The following CA10 variants were observed in gnomAD, a reference collection of about 807,000 sequenced individuals.
The protein encoded by CA10 is carbonic anhydrase-related protein 10.
Under a neutral mutation model 44.2 loss-of-function variants are expected in CA10, and 14 were observed. That is an observed-to-expected ratio of 0.32 (90% CI 0.21 to 0.50). CA10 has a LOEUF of 0.50. Ranked by LOEUF, CA10 falls within the 20% of genes least tolerant of loss-of-function variation. CA10 has a pLI of 0.99. For missense variants in CA10, 350 were observed against 409.7 expected, an observed-to-expected ratio of 0.85 and a Z score of 1.26; for synonymous variants, 159 against 141.6, an observed-to-expected ratio of 1.12 and a Z score of -0.87.
At chr17:51,821,968 C>A (rs1441553068) in intron 3 of CA10, among the ~76,000 whole-genome samples, 1 of 152,200 alleles carries the variant, frequency 6.6e-6, no homozygotes, top group Non-Finnish European at 1.5e-5. Context: ...AGCCCACACA[C>A]ATCAGCCTCC....
At chr17:51,645,355 T>A (rs1417609751) in intron 6 of CA10, among the ~76,000 whole-genome samples, 1 of 152,236 alleles carries the variant, frequency 6.6e-6, no homozygotes, top group Non-Finnish European at 1.5e-5. Flanking sequence ...TTCAGAAGAC[T>A]GACCCCCTCT....
intron 3 of CA10, among the ~76,000 whole-genome samples, chr17:51,847,703 G>T (rs548914035): frequency 3.3e-5 from 5 of 152,222 alleles, no homozygotes; most frequent in Non-Finnish European, 1.5e-5. Flanking sequence ...AGCATGCTGG[G>T]GTAAATGCAT....
intron 2 of CA10, among the ~76,000 whole-genome samples, chr17:52,053,879 C>A (rs1412356909): frequency 6.6e-6 from 1 of 152,096 alleles, no homozygotes; most frequent in Non-Finnish European, 1.5e-5. Context: ...TATCACTTCC[C>A]CAATCAATAC....
chr17:52,073,833 T>C (rs1373479419), intron 1 of CA10, among the ~76,000 whole-genome samples: 1 of 151,986 alleles, frequency 6.6e-6, no homozygotes, highest in Non-Finnish European at 1.5e-5. Flanking sequence ...AAAGGTTCTG[T>C]CCAACCAGGG....
intron 2 of CA10, among the ~76,000 whole-genome samples, chr17:51,963,239 AC>A (rs1345740456): frequency 6.6e-6 from 1 of 152,168 alleles, no homozygotes; most frequent in Non-Finnish European, 1.5e-5. Flanking sequence ...AGAAAAATGA[AC>A]AAAGTCTTTG....
In CA10 at chr17:51,892,700, C is replaced by T. The variant is rs531672729; in HGVS notation, c.279+38290G>A. ...TGTGTTACTATTCTGGCCAATCAGACATAGGTGGGATCAGCTATAGTCTCA... is the reference window on the plus strand; with the variant it reads ...TGTGTTACTATTCTGGCCAATCAGATATAGGTGGGATCAGCTATAGTCTCA... On this transcript the variant is annotated intron_variant, in intron 3 of 8. Transcript: ENST00000451037. Among the ~76,000 whole-genome samples, 10 of 152,260 alleles carry T rather than the reference C, an allele frequency of 6.6e-5. No individual in the cohort carries two copies. The South Asian group carries it at 2.1e-3, about 32-fold the overall frequency.
At chr17:52,101,588 A>G (rs920680077) in intron 1 of CA10, among the ~76,000 whole-genome samples, 1 of 152,202 alleles carries the variant, frequency 6.6e-6, no homozygotes, top group Non-Finnish European at 1.5e-5. Context: ...TGACCAATCC[A>G]CATGTCTTGA....
intron 2 of CA10, among the ~76,000 whole-genome samples, chr17:51,953,361 T>C (rs1015521305): frequency 6.6e-6 from 1 of 152,142 alleles, no homozygotes; most frequent in Non-Finnish European, 1.5e-5. Context: ...AGACTTTAAA[T>C]TGTATTCCAT....
intron 4 of CA10, among the ~76,000 whole-genome samples, chr17:51,721,816 C>T (rs1916359953): frequency 6.6e-6 from 1 of 152,174 alleles, no homozygotes; most frequent in Non-Finnish European, 1.5e-5. Flanking sequence ...CATGCATATT[C>T]TGCATATTCC....
At chr17:51,726,594 A>G (rs1054760550) in intron 4 of CA10, among the ~76,000 whole-genome samples, 1 of 152,232 alleles carries the variant, frequency 6.6e-6, no homozygotes, top group African/African-American at 2.4e-5. Flanking sequence ...TTTAAAATAT[A>G]TATAAAAAAA....
At chr17:51,734,121 G>T (rs1359220536) in intron 4 of CA10, among the ~76,000 whole-genome samples, 2 of 141,406 alleles carry the variant, frequency 1.4e-5, no homozygotes, top group African/African-American at 5.1e-5. Context: ...AATTTCCCAA[G>T]ATTTTACCTT....
In CA10 at chr17:51,926,207, C is replaced by G. The variant is rs149388945; in HGVS notation, c.279+4783G>C. ...ACTGAGAGTGGAGAGGAACTTAGAC[C>G]CCACAGCATTGGACTGGAAGTGTCA... On this transcript the variant is annotated intron_variant, in intron 3 of 8. Coordinates refer to ENST00000451037, the MANE Select transcript of CA10 (RefSeq NM_020178.5). 3.9e-5 allele frequency among the ~76,000 whole-genome samples: 6 copies of G among 152,142 alleles called. No individual in the cohort carries two copies. In the East Asian group the frequency reaches 9.7e-4, roughly 25 times the overall value.
At chr17:51,758,127 C>T (rs938740606) in intron 3 of CA10, among the ~76,000 whole-genome samples, 3 of 152,054 alleles carry the variant, frequency 2.0e-5, no homozygotes, top group Admixed American at 6.6e-5. Context: ...GCTGATCTTT[C>T]TCTTACCTAT....
intron 2 of CA10, among the ~76,000 whole-genome samples, chr17:52,065,440 G>T (rs574738766): frequency 1.3e-5 from 2 of 152,200 alleles, no homozygotes; most frequent in East Asian, 3.9e-4. Flanking sequence ...ACCCAAGTTT[G>T]TTTGGCAAAC....
chr17:51,705,242 C>T (rs951616133), intron 4 of CA10, among the ~76,000 whole-genome samples: 2 of 152,166 alleles, frequency 1.3e-5, no homozygotes, highest in African/African-American at 4.8e-5. Flanking sequence ...ACTGCTCATC[C>T]TTCAGATAGC....
intron 3 of CA10, among the ~76,000 whole-genome samples, chr17:51,916,123 G>GCATGCTA (rs1235369580): frequency 1.1e-5 from 1 of 94,672 alleles, no homozygotes. Flanking sequence ...TCACATTGTT[G>GCATGCTA]CATGCTACGC....
At chr17:51,833,207 A>G (rs1908348810) in intron 3 of CA10, among the ~76,000 whole-genome samples, 1 of 152,108 alleles carries the variant, frequency 6.6e-6, no homozygotes, top group Non-Finnish European at 1.5e-5. Context: ...CATTAGTGAG[A>G]GTAGCTTGTT....
intron 1 of CA10, among the ~76,000 whole-genome samples, chr17:52,072,860 T>A (rs1987722018): frequency 6.6e-6 from 1 of 152,134 alleles, no homozygotes; most frequent in African/African-American, 2.4e-5. Flanking sequence ...CCCAGCCAGC[T>A]TTCCTTAGGT....
intron 1 of CA10, among the ~76,000 whole-genome samples, chr17:52,094,396 T>C (rs941939645): frequency 6.6e-6 from 1 of 151,704 alleles, no homozygotes; most frequent in Non-Finnish European, 1.5e-5. Flanking sequence ...TAGGAATGTA[T>C]CGTCAGGAAA....
Sources: gnomAD v4.1 joint callset for allele counts (sites outside exome capture counted in the v4.1 genomes callset) on GRCh38, gnomAD v4.1.1 for gene constraint, MANE v1.5 for transcripts, NCBI Gene and HGNC (gene_info 2026-07-23, HGNC 2026-07-21) for gene names.